Variants in IL17B observed in about 807,000 individuals in gnomAD.
IL17B encodes the protein interleukin 17B.
Under a neutral mutation model 14.7 loss-of-function variants are expected in IL17B, and 14 were observed. That is an observed-to-expected ratio of 0.95 (90% CI 0.63 to 1.49). The LOEUF is 1.49. Ranked by LOEUF, IL17B falls within the 40% of genes most tolerant of loss-of-function variation. The pLI is 0.00. For synonymous variants in IL17B, 105 were observed against 94.8 expected (o/e 1.11, Z -0.62); for missense variants, 233 against 252.8 (o/e 0.92, Z 0.53).
intron 1 of IL17B, 106 bp downstream of exon 1, chr5:149,379,099 C>A: frequency 7.2e-7 from 1 of 1,381,926 alleles, no homozygotes; most frequent in Non-Finnish European, 1.0e-6. Context: ...GTTGCCTCTG[C>A]AGATTCTAAA....
At chr5:149,390,630 CAGAGAT>C (rs1758927801) in intron 1 of IL17B, among the ~76,000 whole-genome samples, 1 of 132,000 alleles carries the variant, frequency 7.6e-6, no homozygotes, top group Non-Finnish European at 1.6e-5. Flanking sequence ...CACACACACA[CAGAGAT>C]ACACAAGGCC....
At chr5:149,378,605 G>T (rs1359549789) in intron 1 of IL17B, among the ~76,000 whole-genome samples, 1 of 152,246 alleles carries the variant, frequency 6.6e-6, no homozygotes, top group Non-Finnish European at 1.5e-5. Flanking sequence ...AGGCTACCCA[G>T]CAAGTCTTGA....
At chr5:149,388,320 G>T (rs1022902995) in intron 1 of IL17B, among the ~76,000 whole-genome samples, 3 of 152,148 alleles carry the variant, frequency 2.0e-5, no homozygotes, top group Non-Finnish European at 2.9e-5. Flanking sequence ...TCCATATTGG[G>T]ATTCCCTTGT....
At chr5:149,400,609 A>G (rs1452050237) in intron 1 of IL17B, among the ~76,000 whole-genome samples, 2 of 152,218 alleles carry the variant, frequency 1.3e-5, no homozygotes, top group Non-Finnish European at 2.9e-5. Context: ...TCCAGAGTCC[A>G]CTGTAGTCAG....
chr5:149,386,651 C>A (rs1237732050), intron 1 of IL17B, among the ~76,000 whole-genome samples: 1 of 152,188 alleles, frequency 6.6e-6, no homozygotes, highest in Non-Finnish European at 1.5e-5. Flanking sequence ...GAGGAGGGTT[C>A]ATTCCAATTC....
chr5:149,388,061 C>A (rs1581391753), intron 1 of IL17B, among the ~76,000 whole-genome samples: 2 of 152,126 alleles, frequency 1.3e-5, no homozygotes, highest in South Asian at 4.2e-4. Flanking sequence ...CACAGAGCAC[C>A]GAAGGATATC....
At chr5:149,392,965 T>TGC (rs1759009733) in intron 1 of IL17B, among the ~76,000 whole-genome samples, 4 of 151,092 alleles carry the variant, frequency 2.6e-5, no homozygotes, top group African/African-American at 7.3e-5. Flanking sequence ...TGTGCGTGTG[T>TGC]GTGCGCGCGT....
chr5:149,385,216 G>A (rs1295169529), intron 1 of IL17B, among the ~76,000 whole-genome samples: 5 of 152,088 alleles, frequency 3.3e-5, no homozygotes, highest in Admixed American at 2.0e-4. Flanking sequence ...TTAGCCGGAC[G>A]TGGTGGCGCA....
upstream of IL17B, among the ~76,000 whole-genome samples, chr5:149,379,540 C>T (rs569132263): frequency 3.3e-5 from 5 of 152,330 alleles, no homozygotes; most frequent in African/African-American, 1.2e-4. Context: ...CTGTGGCCTG[C>T]GGCCGGCCGC....
upstream of IL17B, chr5:149,379,385 G>A (rs536304812): frequency 1.0e-5 from 8 of 802,742 alleles, no homozygotes; most frequent in East Asian, 1.9e-4. Flanking sequence ...GGAGCCTTGG[G>A]CCCCCAGCTG....
In IL17B at chr5:149,374,620, G is replaced by A; in HGVS notation, c.312-20C>T. The stretch of plus-strand genomic sequence containing the variant: ...TTGATGCTGCAGGGAGCAGAAGAAA[G>A]AGCAGAGCGGAAGGTGATCAGGAAA... On this transcript the variant is annotated intron_variant, in intron 2 of 2. Coordinates refer to ENST00000261796, the MANE Select transcript of IL17B (RefSeq NM_014443.3). The surrounding 1 kb of genome is among the most constrained non-coding windows in gnomAD (Gnocchi z 5.0). 6.3e-7 allele frequency: 1 copy of A among 1,593,026 alleles called. No individual in the cohort carries two copies. Among genetic ancestry groups the A allele is most frequent in the Non-Finnish European group, 8.6e-7 (1 of 1,164,124 alleles).
At position 149,374,444 on chromosome 5, in the gene IL17B, T is replaced by A. The variant is rs2227461; in HGVS notation, c.468A>T (p.Pro156=). The A allele has an allele frequency of 9.2e-4, 1,478 of 1,610,304 alleles. 11 individuals are homozygous for A. In the African/African-American group the frequency reaches 0.018, roughly 19 times the overall value. Residue 156 remains proline (P), a synonymous_variant, in exon 3 of 3, where the codon CCA becomes CCT. Coordinates refer to ENST00000261796, the MANE Select transcript of IL17B (RefSeq NM_014443.3). The surrounding 1 kb of genome is among the most constrained non-coding windows in gnomAD (Gnocchi z 5.0). ...GGCGGCAAGGCCCTGTGCGGGGCGG[T>A]GGCGGGCAGAGGCGGCGGCGCACAG... is the stretch of plus-strand genomic sequence containing the variant. ...QVPVRRRLCP[P]PPRTGPCRQR...
intron 1 of IL17B, among the ~76,000 whole-genome samples, chr5:149,378,643 C>G (rs1489838341): frequency 6.6e-6 from 1 of 152,244 alleles, no homozygotes; most frequent in Non-Finnish European, 1.5e-5. Flanking sequence ...CAGCAGAGCC[C>G]CTCTTGGCAG....
intron 1 of IL17B, among the ~76,000 whole-genome samples, chr5:149,389,959 C>CA (rs1370455862): frequency 6.6e-6 from 1 of 152,072 alleles, no homozygotes; most frequent in Non-Finnish European, 1.5e-5. Context: ...GTTGGGGCCT[C>CA]AAGGCAGGGA....
At chr5:149,403,251 A>AT (rs571444753) in intron 1 of IL17B, among the ~76,000 whole-genome samples, 225 of 151,546 alleles carry the variant, frequency 1.5e-3, no homozygotes, top group African/African-American at 5.2e-3. Flanking sequence ...TGCCCAGCTA[A>AT]TTTTTTGTAT....
chr5:149,393,156 AC>A (rs1759021504), intron 1 of IL17B, among the ~76,000 whole-genome samples: 1 of 152,122 alleles, frequency 6.6e-6, no homozygotes, highest in Admixed American at 6.6e-5. Flanking sequence ...CCAATCACCC[AC>A]CCAATGTCAC....
chr5:149,399,116 C>T (rs1163680423), intron 1 of IL17B, among the ~76,000 whole-genome samples: 1 of 152,208 alleles, frequency 6.6e-6, no homozygotes, highest in Non-Finnish European at 1.5e-5. Context: ...AATTATCTCC[C>T]ACCAGGTCCT....
intron 1 of IL17B, among the ~76,000 whole-genome samples, chr5:149,390,890 T>C (rs1318710777): frequency 6.6e-6 from 1 of 152,054 alleles, no homozygotes; most frequent in Admixed American, 6.5e-5. Context: ...TAATAAACTG[T>C]TATTTATTGT....
chr5:149,380,787 G>A (rs918830667), upstream of IL17B, among the ~76,000 whole-genome samples: 1 of 152,210 alleles, frequency 6.6e-6, no homozygotes, highest in Non-Finnish European at 1.5e-5. Context: ...AGGGTGAGAG[G>A]CGCTCCTGAA....
Sources: allele counts gnomAD v4.1 joint callset (sites outside exome capture counted in the v4.1 genomes callset), GRCh38; gene constraint gnomAD v4.1.1; non-coding constraint Gnocchi (gnomAD v3.1); transcripts MANE v1.5; gene names NCBI Gene and HGNC (gene_info 2026-07-23, HGNC 2026-07-21).